The following CCDC171 variants were observed in gnomAD, a reference collection of about 807,000 sequenced individuals.
The protein encoded by CCDC171 is coiled-coil domain-containing protein 171.
In CCDC171, 177 loss-of-function variants were observed where a neutral mutation model predicts 168.2. That is an observed-to-expected ratio of 1.05 (90% CI 0.93 to 1.19). The LOEUF (loss-of-function observed/expected upper bound fraction) is 1.19. Among genes scored for constraint, CCDC171 ranks in the 50% most tolerant of loss-of-function variants. The probability of loss-of-function intolerance (pLI) is 0.00; values close to 1 mark genes in which losing one functional copy is unlikely to be tolerated. For missense variants in CCDC171, 1,991 were observed against 1,539.0 expected (o/e 1.29, Z -4.91); for synonymous variants, 687 against 540.8 (o/e 1.27, Z -3.75).
chr9:15,791,088 T>G (rs2058235315), intron 21 of CCDC171, among the ~76,000 whole-genome samples: 1 of 152,202 alleles, frequency 6.6e-6, no homozygotes, highest in Non-Finnish European at 1.5e-5. Context: ...GGGCTCTTTT[T>G]TGGTTCCATA....
chr9:15,571,136 A>G (rs1383763033), intron 2 of CCDC171, among the ~76,000 whole-genome samples: 3 of 152,070 alleles, frequency 2.0e-5, no homozygotes, highest in African/African-American at 7.2e-5. Flanking sequence ...CTATTATCTC[A>G]TCTTTTGTGT....
At chr9:15,708,480 A>C (rs889137301) in intron 11 of CCDC171, among the ~76,000 whole-genome samples, 1 of 152,188 alleles carries the variant, frequency 6.6e-6, no homozygotes, top group African/African-American at 2.4e-5. Context: ...GTCTGTACCA[A>C]CTAGAAAATT....
At chr9:15,869,692 G>T (rs1416829188) in intron 23 of CCDC171, among the ~76,000 whole-genome samples, 2 of 151,668 alleles carry the variant, frequency 1.3e-5, no homozygotes, top group Non-Finnish European at 1.5e-5. Context: ...GTTGTGACCA[G>T]GAAAGTTAGC....
chr9:15,920,381 C>T lies in CCDC171; in HGVS notation c.3712C>T (p.Leu1238Phe), dbSNP rs1254309490. ...TCACATTGCAGCCTTGAAATCAGAA[C>T]TTCACACAGCTTGTTTACGTGAAAA... ...RSHIAALKSE[L>F]HTACLRENAS... The change falls in exon 25 of 26, where the codon CTT becomes TTT. Residue 1238 changes from leucine to phenylalanine, a missense_variant. By Grantham distance (22) the Leu-to-Phe change is conservative (BLOSUM62 0). Transcript: ENST00000380701. 1.9e-6 allele frequency: 3 copies of T among 1,608,898 alleles called. No individual in the cohort carries two copies. The highest frequency in any genetic ancestry group is 2.5e-6 in the Non-Finnish European group (3 of 1,176,706).
intron 6 of CCDC171, among the ~76,000 whole-genome samples, chr9:16,030,698 C>T (rs1445469224): frequency 6.6e-6 from 1 of 152,152 alleles, no homozygotes; most frequent in Non-Finnish European, 1.5e-5. Flanking sequence ...TTTGTGACCA[C>T]AGAATGCAGA....
chr9:16,078,731 C>T, the CCDC171 span, among the ~76,000 whole-genome samples: 1 of 152,134 alleles, frequency 6.6e-6, no homozygotes, highest in African/African-American at 2.4e-5. Context: ...TTCACCTCTC[C>T]GTTCCCTCAC....
intron 11 of CCDC171, among the ~76,000 whole-genome samples, chr9:15,699,247 G>C (rs1006966394): frequency 1.3e-5 from 2 of 152,056 alleles, no homozygotes; most frequent in Non-Finnish European, 2.9e-5. Context: ...TGGCGCGTCT[G>C]GAGTTGTTCG....
the CCDC171 span, among the ~76,000 whole-genome samples, chr9:16,080,736 C>G: frequency 6.6e-6 from 1 of 152,154 alleles, no homozygotes; most frequent in African/African-American, 2.4e-5. Context: ...ATCTTTGTCT[C>G]TGCGCCCCTA....
chr9:15,913,929 G>A (rs1418834986), intron 24 of CCDC171, among the ~76,000 whole-genome samples: 2 of 152,098 alleles, frequency 1.3e-5, no homozygotes, highest in Admixed American at 1.3e-4. Context: ...GAGTTTGCTG[G>A]GATTCCACTC....
intron 11 of CCDC171, among the ~76,000 whole-genome samples, chr9:15,702,259 G>A (rs2051811779): frequency 6.6e-6 from 1 of 152,068 alleles, no homozygotes; most frequent in Non-Finnish European, 1.5e-5. Context: ...GTTGAAGCCA[G>A]TGCTCATTTA....
At chr9:15,649,834 A>G (rs1381237081) in intron 7 of CCDC171, among the ~76,000 whole-genome samples, 1 of 152,262 alleles carries the variant, frequency 6.6e-6, no homozygotes, top group African/African-American at 2.4e-5. Flanking sequence ...TGTGGAAGAC[A>G]GTGTGGCAAT....
intron 25 of CCDC171, chr9:15,922,151 G>T (rs1462749146): frequency 9.7e-6 from 4 of 412,536 alleles, no homozygotes; most frequent in Non-Finnish European, 2.0e-5. Context: ...GGTTCACCCT[G>T]TAGTGATTCT....
intron 6 of CCDC171, among the ~76,000 whole-genome samples, chr9:15,597,928 T>A (rs1364282451): frequency 6.6e-6 from 1 of 152,190 alleles, no homozygotes; most frequent in East Asian, 1.9e-4. Context: ...CTAGTTTATT[T>A]GCATAGAGGT....
intron 18 of CCDC171, among the ~76,000 whole-genome samples, chr9:15,771,572 TTATCA>T (rs137984030): frequency 0.37 from 55,714 of 151,794 alleles, 12,705 homozygotes; most frequent in East Asian, 0.65. Flanking sequence ...TATTAACACT[TTATCA>T]TAGTGCAAAT....
the CCDC171 span, among the ~76,000 whole-genome samples, chr9:16,085,099 G>C: frequency 6.6e-6 from 1 of 152,316 alleles, no homozygotes. Flanking sequence ...GGGCCCTACT[G>C]AACTGGAGGG....
At chr9:15,906,591 C>T (rs919121211) in intron 24 of CCDC171, among the ~76,000 whole-genome samples, 9 of 152,152 alleles carry the variant, frequency 5.9e-5, no homozygotes. Context: ...AAACTGGAAG[C>T]ATTCCCTCTG....
chr9:15,687,900 C>T (rs1221219810), intron 10 of CCDC171, among the ~76,000 whole-genome samples: 1 of 152,024 alleles, frequency 6.6e-6, no homozygotes, highest in African/African-American at 2.4e-5. Context: ...GTGGGCAGAT[C>T]ATGAGGTTAG....
chr9:16,021,157 G>C (rs570385970), intron 4 of CCDC171, among the ~76,000 whole-genome samples: 2 of 152,254 alleles, frequency 1.3e-5, no homozygotes, highest in Non-Finnish European at 2.9e-5. Flanking sequence ...GCGTGATCTC[G>C]GCGCACTGCA....
intron 21 of CCDC171, among the ~76,000 whole-genome samples, chr9:15,824,931 C>T (rs950280758): frequency 6.6e-6 from 1 of 151,998 alleles, no homozygotes; most frequent in Non-Finnish European, 1.5e-5. Context: ...GGTTCCTTTC[C>T]TCTTGGATTC....
Sources: allele counts gnomAD v4.1 joint callset (sites outside exome capture counted in the v4.1 genomes callset), GRCh38; gene constraint gnomAD v4.1.1; transcripts MANE v1.5; gene names NCBI Gene and HGNC (gene_info 2026-07-23, HGNC 2026-07-21).